Variants in SUMF1 observed in about 807,000 individuals in gnomAD.
SUMF1 encodes formylglycine-generating enzyme.
Under a neutral mutation model 47.6 loss-of-function variants are expected in SUMF1, and 48 were observed. That is an observed-to-expected ratio of 1.01 (90% CI 0.80 to 1.28). SUMF1 has a LOEUF of 1.28. Among genes scored for constraint, SUMF1 ranks in the 50% most tolerant of loss-of-function variants. The probability of loss-of-function intolerance (pLI) is 0.00; values close to 1 mark genes in which losing one functional copy is unlikely to be tolerated. For missense variants in SUMF1, 571 were observed against 485.4 expected (o/e 1.18, Z -1.66); for synonymous variants, 230 against 192.1 (o/e 1.20, Z -1.63).
intron 7 of SUMF1, among the ~76,000 whole-genome samples, chr3:4,388,355 C>G (rs1368598214): frequency 6.6e-6 from 1 of 152,026 alleles, no homozygotes; most frequent in Non-Finnish European, 1.5e-5. Flanking sequence ...TTGAAGTCTG[C>G]TTTACATGAT....
chr3:4,224,850 T>G (rs1053511889), intron 8 of SUMF1, among the ~76,000 whole-genome samples: 11 of 152,112 alleles, frequency 7.2e-5, no homozygotes, highest in African/African-American at 2.7e-4. Flanking sequence ...GAAAAAACCC[T>G]GGTGAAGTTG....
At chr3:4,426,228 T>C (rs967485532) in intron 3 of SUMF1, among the ~76,000 whole-genome samples, 4 of 152,192 alleles carry the variant, frequency 2.6e-5, no homozygotes, top group African/African-American at 9.7e-5. Flanking sequence ...TACACACTTG[T>C]CTGTCTGTAA....
At position 4,070,363 on chromosome 3, in the gene SUMF1, GT is replaced by G. The variant is rs1695491823; in HGVS notation, c.1015-1619del. ...TCAATCTCTTAAAATATTATACAGT[GT>G]TTGACTCTTTTCATCAACAAACGGA... On this transcript the variant is annotated intron_variant and NMD_transcript_variant, in intron 8 of 12. Coordinates refer to the SUMF1 transcript ENST00000448413. Among the ~76,000 whole-genome samples, 2 of 152,116 alleles carry G rather than the reference GT, an allele frequency of 1.3e-5. 1 individual carries two copies. Among genetic ancestry groups the G allele is most frequent in the South Asian group, 4.2e-4 (2 of 4,818 alleles).
intron 8 of SUMF1, among the ~76,000 whole-genome samples, chr3:4,122,111 T>C (rs1693558563): frequency 6.6e-6 from 1 of 152,082 alleles, no homozygotes; most frequent in Non-Finnish European, 1.5e-5. Context: ...TTATATAGTC[T>C]GACACTGATG....
intron 8 of SUMF1, among the ~76,000 whole-genome samples, chr3:4,234,131 GAT>G (rs1696357821): frequency 6.6e-6 from 1 of 152,084 alleles, no homozygotes; most frequent in East Asian, 1.9e-4. Context: ...CATAGTTACA[GAT>G]AGTCAAAAGA....
chr3:4,136,361 G>T (rs925416707), intron 8 of SUMF1, among the ~76,000 whole-genome samples: 9 of 152,200 alleles, frequency 5.9e-5, no homozygotes, highest in African/African-American at 2.2e-4. Flanking sequence ...AGAAAAACAA[G>T]CAATGGGGAA....
chr3:4,289,735 T>C lies in SUMF1; in HGVS notation c.1014+86595A>G, dbSNP rs375529039. 3.3e-5 allele frequency among the ~76,000 whole-genome samples: 5 copies of C among 152,296 alleles called. No individual in the cohort carries two copies. In the East Asian group the frequency reaches 9.6e-4, roughly 29 times the overall value. On this transcript the variant is annotated intron_variant and NMD_transcript_variant, in intron 8 of 12. Coordinates refer to the SUMF1 transcript ENST00000448413. ...CCAGAAGGGGTAAAGCATCTGGTTG[T>C]AGGGTTTCTAGCTAGAGCACTCTGT...
At chr3:4,319,473 G>A (rs79441757) in intron 8 of SUMF1, among the ~76,000 whole-genome samples, 1,626 of 152,234 alleles carry the variant, frequency 0.011, 19 homozygotes, top group African/African-American at 0.036. Flanking sequence ...GAATGAGGGG[G>A]TCTGGCATCT....
intron 8 of SUMF1, among the ~76,000 whole-genome samples, chr3:4,243,770 C>G (rs182730625): frequency 6.6e-6 from 1 of 152,024 alleles, no homozygotes; most frequent in Admixed American, 6.6e-5. Flanking sequence ...CTGAAGATAT[C>G]TAAGGTTCGC....
intron 8 of SUMF1, among the ~76,000 whole-genome samples, chr3:4,143,006 T>C (rs558816943): frequency 6.6e-6 from 1 of 152,046 alleles, no homozygotes; most frequent in African/African-American, 2.4e-5. Flanking sequence ...CAAAGAATAC[T>C]CTGACAAAGT....
rs62231423 is a variant in SUMF1 at position 4,465,213 on chromosome 3, A to G, written c.270+1763T>C. Among the ~76,000 whole-genome samples the G allele has an allele frequency of 9.9e-3, 1,510 of 152,352 alleles. 12 individuals carry two copies. Among genetic ancestry groups the G allele is most frequent in the Non-Finnish European group, 0.014 (962 of 68,030 alleles). ...ACAGACTGGCTTGGCGCGGTGGCTC[A>G]CGTTTGTAATCCCAGCACGCTGGGA... On this transcript the variant is annotated intron_variant, in intron 1 of 8. Coordinates refer to ENST00000272902, the MANE Select transcript of SUMF1 (RefSeq NM_182760.4).
intron 8 of SUMF1, among the ~76,000 whole-genome samples, chr3:4,347,285 T>C (rs556594852): frequency 2.0e-5 from 3 of 152,218 alleles, no homozygotes; most frequent in African/African-American, 7.2e-5. Context: ...AAATCCTCAA[T>C]AAAAGAGTGG....
intron 8 of SUMF1, among the ~76,000 whole-genome samples, chr3:4,309,782 G>T (rs1230339679): frequency 2.0e-5 from 3 of 152,148 alleles, no homozygotes; most frequent in Non-Finnish European, 4.4e-5. Flanking sequence ...CAGAAGTCTG[G>T]CTTAGGTCAT....
chr3:4,215,131 C>G (rs1037155392), intron 8 of SUMF1, among the ~76,000 whole-genome samples: 1 of 152,096 alleles, frequency 6.6e-6, no homozygotes, highest in Admixed American at 6.6e-5. Context: ...TGACGAACAT[C>G]GATGCAAAAA....
At chr3:4,170,300 G>A (rs1038035899) in intron 8 of SUMF1, among the ~76,000 whole-genome samples, 5 of 152,138 alleles carry the variant, frequency 3.3e-5, no homozygotes, top group Non-Finnish European at 5.9e-5. Flanking sequence ...ACTTTAGTGG[G>A]TACCAGAATC....
intron 1 of SUMF1, among the ~76,000 whole-genome samples, chr3:4,465,649 A>G (rs2079925459): frequency 6.6e-6 from 1 of 152,188 alleles, no homozygotes; most frequent in Non-Finnish European, 1.5e-5. Context: ...GTAACAGGAA[A>G]AAAAGTAAAG....
rs140226058 is a variant in SUMF1 at position 4,040,529 on chromosome 3, A to T, written c.1191+28040T>A. On this transcript the variant is annotated intron_variant and NMD_transcript_variant, in intron 9 of 12. Transcript: ENST00000448413. The stretch of plus-strand genomic sequence containing the variant: ...TGAACATGCAATTGAAACAATAGCA[A>T]CTATATGAACAAAATCAACTTCCAA... 1.6e-3 allele frequency among the ~76,000 whole-genome samples: 243 copies of T among 152,344 alleles called. 2 individuals are homozygous for T. The South Asian group carries it at 0.024, about 15-fold the overall frequency.
intron 3 of SUMF1, among the ~76,000 whole-genome samples, chr3:4,442,233 TCAAA>T (rs1702615589): frequency 6.6e-6 from 1 of 150,428 alleles, no homozygotes; most frequent in South Asian, 2.1e-4. Context: ...GTGAAGGCAC[TCAAA>T]CAGTTGTGCA....
Position 4,227,874 on chromosome 3 carries a change from T to G in SUMF1, c.1014+148456A>C, listed in dbSNP as rs954668082. Among the ~76,000 whole-genome samples, 3 of 152,256 alleles carry G rather than the reference T, an allele frequency of 2.0e-5. No homozygotes were observed. In the Middle Eastern group the frequency reaches 0.01, roughly 518 times the overall value. The stretch of plus-strand genomic sequence containing the variant: ...ATTCCTTTTTCTAATTTTCATTACT[T>G]TATTGCAAATAATCATTATGAATAC... On this transcript the variant is annotated intron_variant and NMD_transcript_variant, in intron 8 of 12. Coordinates refer to the SUMF1 transcript ENST00000448413.
Sources: gnomAD v4.1 joint callset for allele counts (sites outside exome capture counted in the v4.1 genomes callset) on GRCh38, gnomAD v4.1.1 for gene constraint, MANE v1.5 for transcripts, NCBI Gene and HGNC (gene_info 2026-07-23, HGNC 2026-07-21) for gene names.